The following CMSS1 variants were observed in gnomAD, a reference collection of about 807,000 sequenced individuals.
The protein encoded by CMSS1 is cms1 ribosomal small subunit homolog.
CMSS1 carries 33 observed loss-of-function variants against 43.5 expected under a neutral mutation model. The ratio of observed to expected loss-of-function variants is 0.76; its 90% confidence interval spans 0.57 to 1.01. CMSS1 has a LOEUF of 1.01. CMSS1 is among the 50% of genes least tolerant of loss of function. The pLI is 0.00. For missense variants in CMSS1, 313 were observed against 326.4 expected, an observed-to-expected ratio of 0.96 and a Z score of 0.32; for synonymous variants, 115 against 117.2, an observed-to-expected ratio of 0.98 and a Z score of 0.12.
At chr3:100,030,146 A>G (rs188149818) in intron 1 of CMSS1, among the ~76,000 whole-genome samples, 68 of 152,320 alleles carry the variant, frequency 4.5e-4, no homozygotes, top group African/African-American at 1.5e-3. Context: ...TCACACAACT[A>G]GAGTTAACCA....
chr3:99,821,180 A>G (rs1166614472), intron 1 of CMSS1, among the ~76,000 whole-genome samples: 1 of 152,222 alleles, frequency 6.6e-6, no homozygotes, highest in Non-Finnish European at 1.5e-5. Flanking sequence ...TTTTTGTGCT[A>G]GAGTTCTACA....
intron 1 of CMSS1, among the ~76,000 whole-genome samples, chr3:100,016,788 G>A (rs1052122342): frequency 6.6e-6 from 1 of 152,136 alleles, no homozygotes; most frequent in Non-Finnish European, 1.5e-5. Flanking sequence ...AACTTATAAA[G>A]CAGACATTTC....
chr3:99,954,064 G>A (rs1051914077), intron 1 of CMSS1, among the ~76,000 whole-genome samples: 1 of 152,250 alleles, frequency 6.6e-6, no homozygotes, highest in African/African-American at 2.4e-5. Flanking sequence ...AGAAGGTGGT[G>A]GCATCTCAGT....
At chr3:99,836,190 T>C (rs942528488) in intron 1 of CMSS1, among the ~76,000 whole-genome samples, 3 of 152,156 alleles carry the variant, frequency 2.0e-5, no homozygotes, top group African/African-American at 7.2e-5. Context: ...TACAGTACCA[T>C]CTGTCCTAAA....
chr3:100,166,625 T>C lies in CMSS1; in HGVS notation c.415+231T>C, dbSNP rs531589143. Among the ~76,000 whole-genome samples, 106 of 152,340 alleles carry C rather than the reference T, an allele frequency of 7.0e-4. No homozygotes were observed. In the South Asian group the frequency reaches 0.021, roughly 31 times the overall value. On this transcript the variant is annotated intron_variant, in intron 5 of 9. Transcript: ENST00000421999. ...TTTCCTATCTGAAAAATAAGGAAGA[T>C]GGACTATGTGATATGTGTTCCATCT...
At chr3:100,039,546 G>C (rs916466771) in intron 1 of CMSS1, among the ~76,000 whole-genome samples, 4 of 152,202 alleles carry the variant, frequency 2.6e-5, no homozygotes, top group East Asian at 1.9e-4. Flanking sequence ...GGGATACCAG[G>C]AGTACCTTGG....
At chr3:99,884,822 G>A (rs1705841034) in intron 1 of CMSS1, among the ~76,000 whole-genome samples, 1 of 152,200 alleles carries the variant, frequency 6.6e-6, no homozygotes, top group Non-Finnish European at 1.5e-5. Context: ...GCTGTTTACA[G>A]GTATAGATTT....
chr3:99,924,363 G>A (rs997549365), intron 1 of CMSS1: 2 of 1,614,090 alleles, frequency 1.2e-6, no homozygotes, highest in South Asian at 1.1e-5. Flanking sequence ...AGCTGTCCCA[G>A]GATTCGTCTG....
At chr3:100,145,031 C>A (rs1029094511) in intron 1 of CMSS1, among the ~76,000 whole-genome samples, 2 of 152,166 alleles carry the variant, frequency 1.3e-5, no homozygotes, top group Admixed American at 1.3e-4. Flanking sequence ...AGCAGAGATC[C>A]TATAAATACT....
In CMSS1 at chr3:100,050,292, T is replaced by C. The variant is rs181876408; in HGVS notation, c.65-96681T>C. Among the ~76,000 whole-genome samples, 157 of 152,316 alleles carry C rather than the reference T, an allele frequency of 1.0e-3. 1 individual carries two copies. Among genetic ancestry groups the C allele is most frequent in the Non-Finnish European group, 1.7e-3 (118 of 68,018 alleles). The stretch of plus-strand genomic sequence containing the variant: ...CTGAGTGATTTTTAAATGTGCCCTC[T>C]AATGAGTCAGGAACTTACACAGAGA... On this transcript the variant is annotated intron_variant, in intron 1 of 9. Transcript: ENST00000421999.
chr3:100,148,079 TTTTG>T (rs1202862492), intron 2 of CMSS1, among the ~76,000 whole-genome samples: 1 of 152,106 alleles, frequency 6.6e-6, no homozygotes, highest in African/African-American at 2.4e-5. Flanking sequence ...TGATTTGGGG[TTTTG>T]TTTGTTTGTT....
At chr3:99,833,156 AT>A in intron 1 of CMSS1, 1 of 1,342,804 alleles carries the variant, frequency 7.4e-7, no homozygotes, top group Non-Finnish European at 1.1e-6. Flanking sequence ...GAAGAAAACG[AT>A]TTTTTAATAA....
intron 1 of CMSS1, among the ~76,000 whole-genome samples, chr3:100,052,716 A>G (rs573151904): frequency 1.3e-5 from 2 of 152,246 alleles, no homozygotes; most frequent in South Asian, 4.1e-4. Flanking sequence ...CTAAAATTTT[A>G]CAAAGGCAAG....
chr3:99,876,090 G>A (rs1371540591), intron 1 of CMSS1: 5 of 986,274 alleles, frequency 5.1e-6, no homozygotes, highest in Non-Finnish European at 1.2e-6. Flanking sequence ...CCTGCGCCGG[G>A]GCCGGGCGGG....
chr3:99,838,495 A>T (rs1278964126), intron 1 of CMSS1, among the ~76,000 whole-genome samples: 1 of 152,182 alleles, frequency 6.6e-6, no homozygotes. Context: ...AGCCCTGCAT[A>T]TGTTTAGGGA....
At chr3:100,034,463 A>T (rs1015926466) in intron 1 of CMSS1, among the ~76,000 whole-genome samples, 2 of 152,204 alleles carry the variant, frequency 1.3e-5, no homozygotes, top group Non-Finnish European at 2.9e-5. Context: ...GCACTTTTTG[A>T]ATCAACATTG....
intron 1 of CMSS1, among the ~76,000 whole-genome samples, chr3:99,908,040 A>G (rs1045018179): frequency 7.2e-5 from 11 of 152,242 alleles, no homozygotes; most frequent in Non-Finnish European, 1.3e-4. Flanking sequence ...TGGTCATGCA[A>G]TGAGCATGGC....
At chr3:99,959,480 C>G (rs1158034065) in intron 1 of CMSS1, among the ~76,000 whole-genome samples, 2 of 152,038 alleles carry the variant, frequency 1.3e-5, no homozygotes, top group African/African-American at 4.8e-5. Context: ...ATTTTATTTT[C>G]TATATAAATA....
At chr3:99,831,351 AT>A (rs1213042505) in intron 1 of CMSS1, among the ~76,000 whole-genome samples, 1 of 152,232 alleles carries the variant, frequency 6.6e-6, no homozygotes, top group Non-Finnish European at 1.5e-5. Flanking sequence ...CACCCATGCT[AT>A]TGGTTGTTAA....
Sources: gnomAD v4.1 joint callset for allele counts (sites outside exome capture counted in the v4.1 genomes callset) on GRCh38, gnomAD v4.1.1 for gene constraint, MANE v1.5 for transcripts, NCBI Gene and HGNC (gene_info 2026-07-23, HGNC 2026-07-21) for gene names.